RELN: variants seen among roughly 807,000 people sequenced by gnomAD.
The protein encoded by RELN is reelin.
Under a neutral mutation model 427.6 loss-of-function variants are expected in RELN, and 108 were observed. That is an observed-to-expected ratio of 0.25 (90% CI 0.22 to 0.30). RELN has a LOEUF of 0.30. Among genes scored for constraint, RELN ranks in the 10% least tolerant of loss-of-function variants. The pLI, the probability that RELN is intolerant of heterozygous loss-of-function variation, is 1.00. For synonymous variants in RELN, 1,524 were observed against 1,513.4 expected, an observed-to-expected ratio of 1.01 and a Z score of -0.16; for missense variants, 3,715 against 4,302.8, an observed-to-expected ratio of 0.86 and a Z score of 3.82.
rs560154929 is a variant in RELN, at chr7:103,907,917, T to G, written c.337+9158A>C. On this transcript the variant is annotated intron_variant, in intron 2 of 64. Transcript: ENST00000428762. The stretch of plus-strand genomic sequence containing the variant: ...CGTCATTTAGGTTTTACGCTCCACA[T>G]GCATTAGGTATTTGTATTAATGTTC... 2.8e-4 allele frequency among the ~76,000 whole-genome samples: 43 copies of G among 152,164 alleles called. No individual in the cohort carries two copies. In the South Asian group the frequency reaches 7.3e-3, roughly 26 times the overall value.
At chr7:103,510,454 A>G (rs1446393314) in intron 51 of RELN, among the ~76,000 whole-genome samples, 2 of 152,174 alleles carry the variant, frequency 1.3e-5, no homozygotes, top group Non-Finnish European at 2.9e-5. Flanking sequence ...ACATCGCCAC[A>G]GGGAGAGGAA....
At chr7:103,704,208 G>A (rs765287641) in intron 8 of RELN, among the ~76,000 whole-genome samples, 3 of 152,102 alleles carry the variant, frequency 2.0e-5, no homozygotes, top group South Asian at 4.1e-4. Flanking sequence ...ACACTATCAC[G>A]TTGTTTACTC....
chr7:103,728,431 C>T (rs1751964970), intron 6 of RELN, among the ~76,000 whole-genome samples: 1 of 152,090 alleles, frequency 6.6e-6, no homozygotes, highest in Non-Finnish European at 1.5e-5. Flanking sequence ...GGGTAAGTTA[C>T]TTAACCTTCC....
chr7:103,631,894 GTT>G (rs1194057024), intron 19 of RELN, among the ~76,000 whole-genome samples: 1 of 152,104 alleles, frequency 6.6e-6, no homozygotes, highest in African/African-American at 2.4e-5. Flanking sequence ...TTATTAGAAA[GTT>G]ATAATTTTTC....
intron 5 of RELN, among the ~76,000 whole-genome samples, chr7:103,752,980 G>GC (rs1197879260): frequency 6.6e-6 from 1 of 152,088 alleles, no homozygotes; most frequent in Non-Finnish European, 1.5e-5. Flanking sequence ...TCCTGCATGA[G>GC]CCCCCCGCTG....
chr7:103,552,240 C>T (rs9641312), intron 40 of RELN, among the ~76,000 whole-genome samples: 27,555 of 151,980 alleles, frequency 0.18, 3,254 homozygotes, highest in East Asian at 0.38. Context: ...TATAAATGCA[C>T]GCAATTCTTT....
At position 103,492,037 on chromosome 7, in the gene RELN, CAT is replaced by C. The variant is rs1828690313; in HGVS notation, c.9370-13_9370-12del. 8 of 1,593,214 alleles carry C rather than the reference CAT, an allele frequency of 5.0e-6. No individual in the cohort carries two copies. Among genetic ancestry groups the C allele is most frequent in the South Asian group, 2.2e-5 (2 of 90,260 alleles). On this transcript the variant is annotated splice_polypyrimidine_tract_variant and intron_variant, in intron 57 of 64. Coordinates refer to ENST00000428762, the MANE Select transcript of RELN (RefSeq NM_005045.4). Reference sequence around the variant, plus strand: ...ACAACCCACCACAATCTAAAACAAACATAAACAATCAATACACAGGTAAGATT... The same window carrying C: ...ACAACCCACCACAATCTAAAACAAACAAACAATCAATACACAGGTAAGATT...
At chr7:103,542,952 A>T (rs915283278) in intron 42 of RELN, 74 bp from the exon 43 acceptor site, 5 of 1,435,570 alleles carry the variant, frequency 3.5e-6, no homozygotes, top group African/African-American at 2.8e-5. Context: ...TAAAAGGAGT[A>T]TGGTAAATGC....
At chr7:103,980,522 T>C (rs563364418) in intron 1 of RELN, among the ~76,000 whole-genome samples, 2 of 152,320 alleles carry the variant, frequency 1.3e-5, no homozygotes, top group South Asian at 4.1e-4. Context: ...TTTTCTGAAA[T>C]AACCACCATT....
rs1348323653 is a variant in RELN, at chr7:103,523,408, G to A, written c.7473C>T (p.Cys2491=). 1 of 1,614,172 alleles carries A rather than the reference G, an allele frequency of 6.2e-7. No homozygotes were observed. Among genetic ancestry groups the A allele is most frequent in the Non-Finnish European group, 8.5e-7 (1 of 1,180,044 alleles). Residue 2491 remains cysteine (C), a synonymous_variant, in exon 47 of 65, where the codon TGC becomes TGT. Coordinates refer to ENST00000428762, the MANE Select transcript of RELN (RefSeq NM_005045.4). Reference sequence around the variant, plus strand: ...CGACTTACACGCAGTTTCCCTGGATGCATCTCCCATGGCCACTGCACATGT... The same window carrying A: ...CGACTTACACGCAGTTTCCCTGGATACATCTCCCATGGCCACTGCACATGT... The part of the protein sequence containing the change: ...CIDMCSGHGR[C]IQGNCVCDEQ...
intron 11 of RELN, among the ~76,000 whole-genome samples, chr7:103,676,970 A>G (rs1228439088): frequency 6.6e-6 from 1 of 151,958 alleles, no homozygotes; most frequent in Non-Finnish European, 1.5e-5. Flanking sequence ...GCACACCAAC[A>G]TGGTACATGT....
At chr7:103,701,054 A>G (rs1362933124) in intron 8 of RELN, 48 bp from the exon 9 acceptor site, 4 of 1,018,974 alleles carry the variant, frequency 3.9e-6, no homozygotes, top group Admixed American at 1.7e-5. Flanking sequence ...AATGGTGCAA[A>G]TACATATTAT....
At chr7:103,961,910 C>T (rs1490877819) in intron 1 of RELN, among the ~76,000 whole-genome samples, 1 of 152,120 alleles carries the variant, frequency 6.6e-6, no homozygotes. Flanking sequence ...GTTTTCCAAA[C>T]TCCATTGGAA....
chr7:103,561,008 A>C (rs1562891488), intron 36 of RELN, among the ~76,000 whole-genome samples: 2 of 152,348 alleles, frequency 1.3e-5, no homozygotes, highest in East Asian at 3.9e-4. Flanking sequence ...AGCTTAGCAC[A>C]GAGTTTCACA....
chr7:103,536,613 C>G (rs1054285503), intron 45 of RELN, among the ~76,000 whole-genome samples: 14 of 152,228 alleles, frequency 9.2e-5, no homozygotes, highest in Admixed American at 5.9e-4. Flanking sequence ...TCTCAGTCTT[C>G]ATTGTGCTTG....
At chr7:103,711,642 T>G (rs1789804379) in intron 8 of RELN, among the ~76,000 whole-genome samples, 1 of 152,134 alleles carries the variant, frequency 6.6e-6, no homozygotes, top group African/African-American at 2.4e-5. Context: ...ACTTTTAAGC[T>G]ATATTTACAC....
chr7:103,516,579 T>G (rs1438894076), intron 49 of RELN, among the ~76,000 whole-genome samples: 1 of 152,156 alleles, frequency 6.6e-6, no homozygotes, highest in Non-Finnish European at 1.5e-5. Context: ...TGAGCCACCA[T>G]GCCCAGCCAG....
Position 103,572,244 on chromosome 7 carries a change from T to C in RELN, c.4528A>G (p.Ile1510Val), listed in dbSNP as rs775529252. Reference protein sequence around the residue: ...TRNIRLVQFYIQIGSKTSGIT... With the variant: ...TRNIRLVQFYVQIGSKTSGIT... ...CCTGAAGTTTTGCTTCCAATTTGTA[T>C]ATAAAATTGAACAAGTCTGGGGAAT... The change falls in exon 31 of 65, where the codon ATA becomes GTA. Residue 1510 changes from isoleucine (I) to valine (V), a missense_variant. Ile to Val is a conservative substitution (Grantham distance 29, BLOSUM62 3). This residue lies in a region of RELN where 2,208 missense variants were observed against 2,361.7 expected (regional missense o/e 0.93). Transcript: ENST00000428762. 1.5e-5 allele frequency: 24 copies of C among 1,576,898 alleles called. No individual in the cohort carries two copies. The highest frequency in any genetic ancestry group is 1.7e-4 in the Middle Eastern group (1 of 5,986).
At chr7:103,878,917 G>A (rs973433339) in intron 2 of RELN, among the ~76,000 whole-genome samples, 1 of 152,062 alleles carries the variant, frequency 6.6e-6, no homozygotes, top group Non-Finnish European at 1.5e-5. Context: ...TTCTACTCTT[G>A]GTCAATCTTC....
Sources: gnomAD v4.1 joint callset for allele counts (sites outside exome capture counted in the v4.1 genomes callset) on GRCh38, gnomAD v4.1.1 for gene constraint, gnomAD v4.1.1 regional missense constraint, MANE v1.5 for transcripts, NCBI Gene and HGNC (gene_info 2026-07-23, HGNC 2026-07-21) for gene names.